Variants in KLF12 observed in about 807,000 individuals in gnomAD.
KLF12 encodes the protein KLF transcription factor 12.
Under a neutral mutation model 37.8 loss-of-function variants are expected in KLF12, and 9 were observed. The observed-to-expected ratio is 0.24, with a 90% CI of 0.14 to 0.42. The LOEUF (loss-of-function observed/expected upper bound fraction) is 0.42, where lower values mean the gene tolerates loss of function less well. Ranked by LOEUF, KLF12 falls within the 10% of genes least tolerant of loss-of-function variation. The probability of loss-of-function intolerance (pLI) is 1.00; values close to 1 mark genes in which losing one functional copy is unlikely to be tolerated. For synonymous variants in KLF12, 208 were observed against 202.1 expected, an observed-to-expected ratio of 1.03 and a Z score of -0.25; for missense variants, 411 against 516.0, an observed-to-expected ratio of 0.80 and a Z score of 1.97.
chr13:74,276,518 G>T, the KLF12 span, among the ~76,000 whole-genome samples: 32 of 152,228 alleles, frequency 2.1e-4, no homozygotes, highest in East Asian at 5.8e-3. Flanking sequence ...ATTTAGTAAA[G>T]TTTCACAATT....
At chr13:74,092,008 A>C (rs1211607736) in intron 1 of KLF12, among the ~76,000 whole-genome samples, 1 of 150,856 alleles carries the variant, frequency 6.6e-6, no homozygotes, top group Non-Finnish European at 1.5e-5. Context: ...AAAAAAAAAA[A>C]CCCAGACGTG....
chr13:74,124,829 T>G lies in KLF12; in HGVS notation c.-32+8910A>C, dbSNP rs1302540497. Among the ~76,000 whole-genome samples the G allele has an allele frequency of 2.0e-5, 3 of 152,222 alleles. No homozygotes were observed. In the East Asian group the frequency reaches 5.8e-4, roughly 29 times the overall value. Reference sequence around the variant, plus strand: ...GCCAAAATATGTTTTTAATTTGCATTCATCCATTAGCAGGTTTGCTTTTTC... The same window carrying G: ...GCCAAAATATGTTTTTAATTTGCATGCATCCATTAGCAGGTTTGCTTTTTC... On this transcript the variant is annotated intron_variant, in intron 1 of 7. Coordinates refer to ENST00000377669, the MANE Select transcript of KLF12 (RefSeq NM_007249.5).
the KLF12 span, among the ~76,000 whole-genome samples, chr13:74,158,625 G>A: frequency 6.6e-6 from 1 of 152,200 alleles, no homozygotes; most frequent in East Asian, 1.9e-4. Context: ...AACATGGACA[G>A]AGGAAGTTGG....
intron 4 of KLF12, among the ~76,000 whole-genome samples, chr13:73,844,018 C>G (rs1420776319): frequency 1.3e-5 from 2 of 151,706 alleles, no homozygotes; most frequent in Non-Finnish European, 2.9e-5. Context: ...ATGATCATGG[C>G]AAACAAAAAA....
intron 3 of KLF12, 117 bp downstream of exon 3, chr13:73,943,864 G>A (rs1407125379): frequency 7.4e-6 from 5 of 672,010 alleles, no homozygotes; most frequent in South Asian, 1.9e-5. Flanking sequence ...TTTAACCTGA[G>A]AGAGAAAAGC....
intron 3 of KLF12, among the ~76,000 whole-genome samples, chr13:73,939,407 G>A (rs1054444913): frequency 7.2e-5 from 11 of 151,796 alleles, no homozygotes; most frequent in African/African-American, 2.7e-4. Context: ...TTTTTATTCT[G>A]TTATTGACAT....
intron 2 of KLF12, among the ~76,000 whole-genome samples, chr13:73,981,526 TG>T (rs1025982732): frequency 6.6e-6 from 1 of 152,216 alleles, no homozygotes; most frequent in Non-Finnish European, 1.5e-5. Flanking sequence ...ATAAACAGTA[TG>T]GTACTATTCA....
the KLF12 span, among the ~76,000 whole-genome samples, chr13:74,286,867 GTTTT>G: frequency 2.0e-5 from 3 of 152,140 alleles, no homozygotes; most frequent in African/African-American, 7.2e-5. Flanking sequence ...TCTCTGTCTG[GTTTT>G]TGGAATGGGG....
chr13:73,839,506 G>A (rs1472377844), intron 4 of KLF12, among the ~76,000 whole-genome samples: 2 of 152,012 alleles, frequency 1.3e-5, no homozygotes, highest in Non-Finnish European at 2.9e-5. Flanking sequence ...TGGGACTCAT[G>A]GTTTATTTTC....
chr13:74,148,951 A>T, the KLF12 span, among the ~76,000 whole-genome samples: 2 of 152,140 alleles, frequency 1.3e-5, no homozygotes, highest in Non-Finnish European at 2.9e-5. Flanking sequence ...AGTAGCTGGA[A>T]TTACAGGCAC....
rs79037065 is a variant in KLF12 at position 74,036,084 on chromosome 13, C to A, written c.-31-41031G>T. Among the ~76,000 whole-genome samples, 1,506 of 152,232 alleles carry A rather than the reference C, an allele frequency of 9.9e-3. 24 individuals are homozygous for A. Among genetic ancestry groups the A allele is most frequent in the East Asian group, 0.057 (295 of 5,166 alleles). ...CTGCCTCAGAATGCTCCTATACACT[C>A]CTATCCGCAAGGCCTAGCATTCATC... is the stretch of plus-strand genomic sequence containing the variant. On this transcript the variant is annotated intron_variant, in intron 1 of 7. Coordinates refer to ENST00000377669, the MANE Select transcript of KLF12 (RefSeq NM_007249.5).
At chr13:74,101,660 T>A (rs921779259) in intron 1 of KLF12, among the ~76,000 whole-genome samples, 1 of 152,144 alleles carries the variant, frequency 6.6e-6, no homozygotes, top group African/African-American at 2.4e-5. Flanking sequence ...TCAGGATGTG[T>A]CTAAGAGACA....
chr13:74,041,414 A>G (rs1227008863), intron 1 of KLF12, among the ~76,000 whole-genome samples: 1 of 152,200 alleles, frequency 6.6e-6, no homozygotes, highest in Non-Finnish European at 1.5e-5. Flanking sequence ...CCTTCAGATA[A>G]GACACGGCTC....
At chr13:74,295,551 T>C in the KLF12 span, among the ~76,000 whole-genome samples, 1 of 152,164 alleles carries the variant, frequency 6.6e-6, no homozygotes, top group Non-Finnish European at 1.5e-5. Context: ...TTGTGGTGTG[T>C]TGTTATGATT....
the KLF12 span, among the ~76,000 whole-genome samples, chr13:74,199,148 G>T: frequency 1.3e-5 from 2 of 152,188 alleles, no homozygotes; most frequent in African/African-American, 2.4e-5. Flanking sequence ...GGATCGAAAG[G>T]TCATTCATTC....
In KLF12 at chr13:73,966,124, T is replaced by C. The variant is rs761012250; in HGVS notation, c.34-22054A>G. Among the ~76,000 whole-genome samples, 79 of 152,224 alleles carry C rather than the reference T, an allele frequency of 5.2e-4. 1 individual carries two copies. The highest frequency in any genetic ancestry group is 1.8e-3 in the African/African-American group (74 of 41,446). ...GCAAGCTAACTGCCCCCAAATTGGATAGTGGTTAAATAAGTTATCACAGAA... is the reference window on the plus strand; with the variant it reads ...GCAAGCTAACTGCCCCCAAATTGGACAGTGGTTAAATAAGTTATCACAGAA... On this transcript the variant is annotated intron_variant, in intron 2 of 7. Transcript: ENST00000377669.
chr13:73,954,843 C>A (rs1890779759), intron 2 of KLF12, among the ~76,000 whole-genome samples: 1 of 152,222 alleles, frequency 6.6e-6, no homozygotes. Flanking sequence ...AATCCAATTA[C>A]TGTACTAATT....
the KLF12 span, among the ~76,000 whole-genome samples, chr13:74,290,881 AAGTC>A: frequency 3.0e-4 from 45 of 152,366 alleles, no homozygotes; most frequent in African/African-American, 1.0e-3. Context: ...AACATAGGAA[AAGTC>A]TGTTTTTTGT....
At chr13:73,741,552 T>G (rs186866729) in intron 6 of KLF12, among the ~76,000 whole-genome samples, 2 of 152,218 alleles carry the variant, frequency 1.3e-5, no homozygotes, top group Admixed American at 1.3e-4. Context: ...CTCTGAATTC[T>G]ATAACAGTGT....
Sources: gnomAD v4.1 joint callset for allele counts (sites outside exome capture counted in the v4.1 genomes callset) on GRCh38, gnomAD v4.1.1 for gene constraint, MANE v1.5 for transcripts, NCBI Gene and HGNC (gene_info 2026-07-23, HGNC 2026-07-21) for gene names.